Variants in PCDHA6 observed in about 807,000 individuals in gnomAD.
PCDHA6 encodes the protein protocadherin alpha-6.
In PCDHA6, 55 loss-of-function variants were observed where a neutral mutation model predicts 60.3. The observed-to-expected ratio is 0.91, with a 90% CI of 0.73 to 1.14. The LOEUF (loss-of-function observed/expected upper bound fraction) is 1.14, where lower values mean the gene tolerates loss of function less well. PCDHA6 is among the 50% of genes most tolerant of loss of function. The pLI is 0.00. For synonymous variants in PCDHA6, 652 were observed against 557.9 expected, an observed-to-expected ratio of 1.17 and a Z score of -2.38; for missense variants, 1,327 against 1,256.5, an observed-to-expected ratio of 1.06 and a Z score of -0.85.
chr5:140,864,875 T>G (rs1554159183), intron 1 of PCDHA6: 1 of 152,186 alleles, frequency 6.6e-6, no homozygotes, highest in Non-Finnish European at 1.5e-5. Context: ...TACCATTGTC[T>G]GTGTTCATTA....
intron 1 of PCDHA6, among the ~76,000 whole-genome samples, chr5:140,873,542 T>C (rs2054341425): frequency 6.6e-6 from 1 of 152,130 alleles, no homozygotes; most frequent in Non-Finnish European, 1.5e-5. Context: ...GGTATAAAAT[T>C]ATAATTTCAA....
chr5:140,876,728 C>T (rs200398819), intron 1 of PCDHA6: 11 of 1,614,128 alleles, frequency 6.8e-6, no homozygotes, highest in African/African-American at 1.3e-5. Context: ...GAGAGCGTGT[C>T]GGCCTATGAG....
chr5:140,964,338 G>T (rs2153739261), intron 1 of PCDHA6, among the ~76,000 whole-genome samples: 1 of 152,320 alleles, frequency 6.6e-6, no homozygotes, highest in South Asian at 2.1e-4. Flanking sequence ...AACCTGGCAG[G>T]TGTCCTTGCT....
At chr5:140,834,836 G>A in intron 1 of PCDHA6, 5 of 1,611,792 alleles carry the variant, frequency 3.1e-6, no homozygotes, top group Non-Finnish European at 3.4e-6. Context: ...TTGACTCTCG[G>A]TTTCCACTAG....
chr5:140,997,668 T>TTGTGTGTGTGTG (rs35184029), intron 3 of PCDHA6, among the ~76,000 whole-genome samples: 18 of 148,344 alleles, frequency 1.2e-4, no homozygotes, highest in Middle Eastern at 3.4e-3. Flanking sequence ...ATTATACAGC[T>TTGTGTGTGTGTG]TGTGTGTGTG....
intron 1 of PCDHA6, chr5:140,883,523 T>A: frequency 6.2e-7 from 1 of 1,614,226 alleles, no homozygotes; most frequent in Non-Finnish European, 8.5e-7. Flanking sequence ...CGAGAGCGTA[T>A]CAGCCTATGA....
chr5:141,002,877 A>G (rs989540490), intron 3 of PCDHA6, among the ~76,000 whole-genome samples: 1 of 152,252 alleles, frequency 6.6e-6, no homozygotes, highest in Non-Finnish European at 1.5e-5. Context: ...CCTCAAGAAC[A>G]GAAAGAGAAC....
chr5:140,863,155 T>G (rs1554157838), intron 1 of PCDHA6: 1 of 635,268 alleles, frequency 1.6e-6, no homozygotes, highest in Admixed American at 1.9e-5. Context: ...GAAGGACCAC[T>G]GCGAGCTGGC....
At chr5:140,875,423 G>A in intron 1 of PCDHA6, 2 of 1,524,996 alleles carry the variant, frequency 1.3e-6, no homozygotes, top group Non-Finnish European at 1.8e-6. Flanking sequence ...CCTCAGGCAA[G>A]CGATCCCTTA....
At chr5:140,850,471 T>C (rs2150485589) in intron 1 of PCDHA6, 1 of 1,597,870 alleles carries the variant, frequency 6.3e-7, no homozygotes, top group Non-Finnish European at 8.6e-7. Context: ...GAGCCAGCGC[T>C]GACGGCCACG....
chr5:140,876,841 CA>C, intron 1 of PCDHA6: 1 of 1,614,130 alleles, frequency 6.2e-7, no homozygotes, highest in South Asian at 1.1e-5. Flanking sequence ...TGCGTTCGCG[CA>C]GCCCGAGTAC....
chr5:140,881,995 T>C, intron 1 of PCDHA6: 1 of 464,062 alleles, frequency 2.2e-6, no homozygotes, highest in Middle Eastern at 5.9e-4. Flanking sequence ...TGTCAGGAAA[T>C]GCAAGGGGCA....
At chr5:140,848,935 C>G (rs1363080082) in intron 1 of PCDHA6, 1 of 1,607,474 alleles carries the variant, frequency 6.2e-7, no homozygotes, top group Non-Finnish European at 8.5e-7. Context: ...GAATCCAGGC[C>G]GCTTGACTCT....
At chr5:140,884,416 G>A (rs1035372416) in intron 1 of PCDHA6, 22 of 1,613,888 alleles carry the variant, frequency 1.4e-5, no homozygotes, top group Non-Finnish European at 1.7e-5. Context: ...TCACGTTGCT[G>A]CTGTATACTG....
At chr5:140,848,621 C>T (rs2150415318) in intron 1 of PCDHA6, 1 of 1,593,480 alleles carries the variant, frequency 6.3e-7, no homozygotes, top group Non-Finnish European at 8.6e-7. Context: ...CCGAACACGG[C>T]ACCTTCGTGG....
rs2042367518 is a variant in PCDHA6 at position 140,852,542 on chromosome 5, C to T, written c.2394+22057C>T. Reference sequence around the variant, plus strand: ...GCTCCCACCTCGGCCTCCCAAAGTGCTGGGATTAAAGCTGTGAGCCACTGT... The same window carrying T: ...GCTCCCACCTCGGCCTCCCAAAGTGTTGGGATTAAAGCTGTGAGCCACTGT... On this transcript the variant is annotated intron_variant, in intron 1 of 3. Transcript: ENST00000529310. 35 of 557,808 alleles carry T rather than the reference C, an allele frequency of 6.3e-5. 3 individuals are homozygous for T. The highest frequency in any genetic ancestry group is 8.0e-5 in the Non-Finnish European group (34 of 426,308). 34.6% of individuals were successfully genotyped at this position (557,808 alleles called of 1,614,324 possible).
intron 1 of PCDHA6, chr5:140,854,000 CAA>C (rs112540154): frequency 4.4e-4 from 155 of 351,630 alleles, no homozygotes; most frequent in Middle Eastern, 1.4e-3. Flanking sequence ...TCATCTCTGC[CAA>C]AAAAAAAAAA....
chr5:140,981,864 T>C (rs1554243477), intron 2 of PCDHA6, among the ~76,000 whole-genome samples: 3 of 152,294 alleles, frequency 2.0e-5, no homozygotes, highest in African/African-American at 7.2e-5. Context: ...CCCAGCAATG[T>C]TTTATGCTGA....
At chr5:140,978,904 A>G (rs2096828000) in intron 1 of PCDHA6, 45 bp from the exon 2 acceptor site, 2 of 1,613,322 alleles carry the variant, frequency 1.2e-6, no homozygotes, top group Non-Finnish European at 8.5e-7. Flanking sequence ...CTGGGAGAAC[A>G]TTGTCTTGTC....
Sources: gnomAD v4.1 joint callset for allele counts (sites outside exome capture counted in the v4.1 genomes callset) on GRCh38, gnomAD v4.1.1 for gene constraint, MANE v1.5 for transcripts, NCBI Gene and HGNC (gene_info 2026-07-23, HGNC 2026-07-21) for gene names.